The following GRIK4 variants were observed in gnomAD, a reference collection of about 807,000 sequenced individuals.
The protein encoded by GRIK4 is glutamate ionotropic receptor kainate type subunit 4, also known as glutamate receptor ionotropic, kainate 4.
Under a neutral mutation model 104.9 loss-of-function variants are expected in GRIK4, and 40 were observed. The observed-to-expected ratio is 0.38, with a 90% confidence interval of 0.30 to 0.50. The LOEUF is 0.50. Ranked by LOEUF, GRIK4 falls within the 20% of genes least tolerant of loss-of-function variation. The pLI is 0.93. For synonymous variants in GRIK4, 485 were observed against 524.9 expected, an observed-to-expected ratio of 0.92 and a Z score of 1.04; for missense variants, 1,047 against 1,308.1, an observed-to-expected ratio of 0.80 and a Z score of 3.08.
rs78259577 is a variant in GRIK4, at chr11:120,847,973, G to C, written c.744+11129G>C. 7.7e-3 allele frequency among the ~76,000 whole-genome samples: 1,168 copies of C among 152,350 alleles called. 14 individuals carry two copies. The highest frequency in any genetic ancestry group is 0.027 in the African/African-American group (1,103 of 41,580). On this transcript the variant is annotated intron_variant, in intron 8 of 20. Transcript: ENST00000527524. ...GGGCAGGAGCAGGGAGATTAGGCCA[G>C]TCCTAAAGATGGCATAGCCTTGGTT...
intron 3 of GRIK4, among the ~76,000 whole-genome samples, chr11:120,666,285 G>A (rs547123863): frequency 6.6e-6 from 1 of 152,228 alleles, no homozygotes; most frequent in Non-Finnish European, 1.5e-5. Context: ...AGCTTGCATA[G>A]AGGTGAGTGG....
chr11:120,856,680 G>A (rs888556368), intron 8 of GRIK4, among the ~76,000 whole-genome samples: 4 of 152,252 alleles, frequency 2.6e-5, no homozygotes, highest in East Asian at 3.9e-4. Context: ...AAAACATCAC[G>A]GAATGCCACT....
intron 3 of GRIK4, among the ~76,000 whole-genome samples, chr11:120,748,818 T>A (rs1329228517): frequency 6.6e-6 from 1 of 152,154 alleles, no homozygotes; most frequent in Non-Finnish European, 1.5e-5. Flanking sequence ...CTTCGGGAGT[T>A]GAAGGAGAGG....
In GRIK4 at chr11:120,967,614, C is replaced by A. The variant is rs1005281454; in HGVS notation, c.2395+291C>A. On this transcript the variant is annotated intron_variant, in intron 19 of 20. Transcript: ENST00000527524. The surrounding 1 kb of genome is among the most constrained non-coding windows in gnomAD (Gnocchi z 4.2). ...CACCATGGCTTCTACCCTGGCCCAT[C>A]ATCTCCACACCTGTGCAGTCACAGT... Among the ~76,000 whole-genome samples the A allele has an allele frequency of 6.6e-6, 1 of 152,208 alleles. No homozygotes were observed. The highest frequency in any genetic ancestry group is 1.5e-5 in the Non-Finnish European group (1 of 68,040).
intron 1 of GRIK4, among the ~76,000 whole-genome samples, chr11:120,582,969 C>T (rs988022485): frequency 2.6e-5 from 4 of 152,198 alleles, no homozygotes; most frequent in African/African-American, 9.6e-5. Flanking sequence ...TTTACATTCC[C>T]ACCAGCAGTG....
chr11:120,858,078 GGGATATTTATAAGAAGA>G lies in GRIK4; in HGVS notation c.745-3876_745-3860del, dbSNP rs539973120. ...AGGGACCCTCAGGATATCCCTTCCT[GGGATATTTATAAGAAGA>G]GGATCAAGGTCCCCATGAGAACCTG... On this transcript the variant is annotated intron_variant, in intron 8 of 20. Coordinates refer to ENST00000527524, the MANE Select transcript of GRIK4 (RefSeq NM_014619.5). Among the ~76,000 whole-genome samples the G allele has an allele frequency of 1.1e-3, 161 of 152,248 alleles. 1 individual carries two copies. Among genetic ancestry groups the G allele is most frequent in the African/African-American group, 3.8e-3 (156 of 41,538 alleles).
chr11:120,986,460 G>A lies in GRIK4; in HGVS notation c.*200G>A. On this transcript the variant is annotated 3_prime_UTR_variant, in exon 21 of 21. Transcript: ENST00000527524. Reference sequence around the variant, plus strand: ...CCGGTCAGGGAGCAGGGTCCACCCGGAAACGTTGCACCCAAAGGGCAAAGG... The same window carrying A: ...CCGGTCAGGGAGCAGGGTCCACCCGAAAACGTTGCACCCAAAGGGCAAAGG... 1 of 698,176 alleles carries A rather than the reference G, an allele frequency of 1.4e-6. No individual in the cohort carries two copies. The highest frequency in any genetic ancestry group is 2.2e-6 in the Non-Finnish European group (1 of 455,160). The allele number at this position is 698,176 out of a possible 1,614,324, so 43.2% of individuals were successfully genotyped here. A position where few individuals can be genotyped will look rare whatever the true frequency, so the allele number is the denominator to read the frequency against.
chr11:120,772,814 C>T (rs116463511), intron 3 of GRIK4, among the ~76,000 whole-genome samples: 1,560 of 151,960 alleles, frequency 0.01, 35 homozygotes, highest in African/African-American at 0.035. Context: ...TACCTCTTCC[C>T]TGGGACAGAA....
chr11:120,598,025 C>T (rs1948828361), intron 1 of GRIK4, among the ~76,000 whole-genome samples: 1 of 152,156 alleles, frequency 6.6e-6, no homozygotes, highest in African/African-American at 2.4e-5. Flanking sequence ...AACTAAGTGC[C>T]TCAGCGACAG....
At chr11:120,682,859 A>G (rs1950219144) in intron 3 of GRIK4, among the ~76,000 whole-genome samples, 1 of 151,780 alleles carries the variant, frequency 6.6e-6, no homozygotes, top group Admixed American at 6.6e-5. Flanking sequence ...ATCCCTGAAC[A>G]TGACACACTT....
Position 120,732,557 on chromosome 11 carries a change from G to C in GRIK4, c.83-70136G>C, listed in dbSNP as rs951864557. Among the ~76,000 whole-genome samples the C allele has an allele frequency of 3.9e-5, 6 of 152,256 alleles. No individual in the cohort carries two copies. In the South Asian group the frequency reaches 1.2e-3, roughly 32 times the overall value. On this transcript the variant is annotated intron_variant, in intron 3 of 20. Coordinates refer to ENST00000527524, the MANE Select transcript of GRIK4 (RefSeq NM_014619.5). ...GTTTTCACTGTATTGATAGCTTTTA[G>C]TATGTTGTGTTTCCATTATCGTTTG...
At chr11:120,720,861 A>G (rs1378730088) in intron 3 of GRIK4, among the ~76,000 whole-genome samples, 1 of 152,124 alleles carries the variant, frequency 6.6e-6, no homozygotes, top group Non-Finnish European at 1.5e-5. Context: ...GGTTAGAGGA[A>G]TGGAGGGTGA....
At chr11:120,813,890 C>T (rs965280882) in intron 4 of GRIK4, among the ~76,000 whole-genome samples, 1 of 152,178 alleles carries the variant, frequency 6.6e-6, no homozygotes, top group Non-Finnish European at 1.5e-5. Context: ...TGGGGAACCT[C>T]GATTGCATTT....
At chr11:120,700,147 G>T (rs982340801) in intron 3 of GRIK4, among the ~76,000 whole-genome samples, 6 of 152,002 alleles carry the variant, frequency 3.9e-5, no homozygotes, top group Admixed American at 3.9e-4. Flanking sequence ...TGTGACAGGA[G>T]CTGCTAAAAT....
At chr11:120,622,765 G>A (rs1034752909) in intron 1 of GRIK4, among the ~76,000 whole-genome samples, 1 of 152,220 alleles carries the variant, frequency 6.6e-6, no homozygotes, top group East Asian at 1.9e-4. Flanking sequence ...AATGCGTTCT[G>A]TGCCTCTTGC....
At chr11:120,754,966 G>T (rs761011812) in intron 3 of GRIK4, among the ~76,000 whole-genome samples, 2 of 152,144 alleles carry the variant, frequency 1.3e-5, no homozygotes, top group Non-Finnish European at 2.9e-5. Context: ...TCTGTCATTG[G>T]TAGGCTGTCT....
At chr11:120,689,852 A>C (rs918687655) in intron 3 of GRIK4, among the ~76,000 whole-genome samples, 1 of 152,136 alleles carries the variant, frequency 6.6e-6, no homozygotes, top group Non-Finnish European at 1.5e-5. Context: ...CCTTGAAGGC[A>C]GGAGAACACC....
intron 1 of GRIK4, among the ~76,000 whole-genome samples, chr11:120,645,950 C>T (rs1248948839): frequency 2.0e-5 from 3 of 152,176 alleles, no homozygotes; most frequent in South Asian, 2.1e-4. Context: ...GCACCATTAA[C>T]GCTGGGTTAG....
chr11:120,871,581 G>A (rs984033347), intron 9 of GRIK4: 15 of 456,166 alleles, frequency 3.3e-5, no homozygotes, highest in South Asian at 4.6e-5. Context: ...CTTAGTCTTC[G>A]GGTTCCAGGA....
Sources: gnomAD v4.1 joint callset for allele counts (sites outside exome capture counted in the v4.1 genomes callset) on GRCh38, gnomAD v4.1.1 for gene constraint, Gnocchi (gnomAD v3.1) non-coding constraint, MANE v1.5 for transcripts, NCBI Gene and HGNC (gene_info 2026-07-23, HGNC 2026-07-21) for gene names.